SLC26A8: variants seen among roughly 807,000 people sequenced by gnomAD.
SLC26A8 encodes the protein testis anion transporter 1.
Under a neutral mutation model 105.0 loss-of-function variants are expected in SLC26A8, and 70 were observed. The ratio of observed to expected loss-of-function variants is 0.67; its 90% CI spans 0.55 to 0.81. The LOEUF (loss-of-function observed/expected upper bound fraction) is 0.81. Ranked by LOEUF, SLC26A8 falls within the 40% of genes least tolerant of loss-of-function variation. The pLI is 0.00. For synonymous variants in SLC26A8, 415 were observed against 438.3 expected (o/e 0.95, Z 0.66); for missense variants, 998 against 1,181.8 (o/e 0.84, Z 2.28).
intron 8 of SLC26A8, 87 bp from the exon 9 acceptor site, chr6:35,977,438 G>T: frequency 2.1e-5 from 24 of 1,144,952 alleles, no homozygotes; most frequent in Non-Finnish European, 2.2e-5. Context: ...GGGCTGTCCT[G>T]ATTCTTTTTT....
At chr6:36,007,401 G>A (rs74923679) in intron 3 of SLC26A8, among the ~76,000 whole-genome samples, 3,479 of 152,164 alleles carry the variant, frequency 0.023, 120 homozygotes, top group African/African-American at 0.079. Context: ...AACAAAACAC[G>A]TAGGATCTCT....
In SLC26A8 at chr6:35,968,776, G is replaced by GC. The variant is rs1308054164; in HGVS notation, c.1365+100dup. 1.8e-4 allele frequency: 8 copies of GC among 44,306 alleles called. 1 individual carries two copies. Among genetic ancestry groups the GC allele is most frequent in the Admixed American group, 8.2e-4 (3 of 3,664 alleles). The allele number at this position is 44,306 out of a possible 1,614,324, so 2.7% of individuals were successfully genotyped here. A position where few individuals can be genotyped will look rare whatever the true frequency, so the allele number is the denominator to read the frequency against. On this transcript the variant is annotated intron_variant, in intron 11 of 19. Transcript: ENST00000490799. Reference sequence around the variant, plus strand: ...AATGCAATTCTCCTCGGAGATGCCCGCCCCCCCGCCCCCAGCCCCTTACCC... The same window carrying GC: ...AATGCAATTCTCCTCGGAGATGCCCGCCCCCCCCGCCCCCAGCCCCTTACCC...
intron 3 of SLC26A8, among the ~76,000 whole-genome samples, chr6:36,011,797 C>CA (rs1163439384): frequency 6.6e-6 from 1 of 152,082 alleles, no homozygotes; most frequent in Non-Finnish European, 1.5e-5. Flanking sequence ...TTTGTAGAGA[C>CA]AGAGTTTCAC....
chr6:36,022,524 CA>C (rs1376241932), intron 1 of SLC26A8, among the ~76,000 whole-genome samples: 2 of 152,008 alleles, frequency 1.3e-5, no homozygotes, highest in African/African-American at 4.8e-5. Flanking sequence ...TCCATCATCA[CA>C]AAAAGTTGTT....
At position 36,012,336 on chromosome 6, in the gene SLC26A8, T is replaced by C. The variant is rs771540523; in HGVS notation, c.225A>G (p.Thr75=). Residue 75 remains threonine (T), a synonymous_variant, in exon 3 of 20, where the codon ACA becomes ACG. Transcript: ENST00000490799. ...SWHRFLRCVL[T]IFPFLEWMCM... is the part of the protein sequence containing the mutation. ...ACATCCATTCTAGGAAGGGAAAGAT[T>C]GTAAGCACGCATCGTAGGAACCTGT... The C allele has an allele frequency of 2.7e-5, 43 of 1,605,568 alleles. No homozygotes were observed. Among genetic ancestry groups the C allele is most frequent in the Admixed American group, 6.9e-5 (4 of 57,584 alleles).
intron 2 of SLC26A8, among the ~76,000 whole-genome samples, chr6:36,014,383 T>A (rs1435339022): frequency 6.6e-6 from 1 of 152,148 alleles, no homozygotes; most frequent in Non-Finnish European, 1.5e-5. Context: ...GGGGGAATAA[T>A]ATTAGCATTT....
intron 3 of SLC26A8, among the ~76,000 whole-genome samples, chr6:36,001,407 C>T (rs1010507322): frequency 1.5e-4 from 23 of 152,348 alleles, no homozygotes; most frequent in South Asian, 2.1e-4. Context: ...GGATTACAGG[C>T]GTGAGCCACC....
intron 5 of SLC26A8, among the ~76,000 whole-genome samples, chr6:35,995,277 C>T (rs1286907970): frequency 6.6e-6 from 1 of 152,140 alleles, no homozygotes; most frequent in Non-Finnish European, 1.5e-5. Flanking sequence ...TCAGTGTTAA[C>T]ATAATATTCT....
chr6:35,965,445 G>A (rs1270694893), intron 11 of SLC26A8, among the ~76,000 whole-genome samples: 3 of 151,956 alleles, frequency 2.0e-5, no homozygotes, highest in African/African-American at 4.8e-5. Flanking sequence ...TTGGGAGGCC[G>A]AGGCAGATGG....
At chr6:35,945,679 C>T (rs142119303) in intron 19 of SLC26A8, among the ~76,000 whole-genome samples, 80 of 152,312 alleles carry the variant, frequency 5.3e-4, no homozygotes, top group African/African-American at 1.8e-3. Flanking sequence ...CCAACTACAT[C>T]TCATTCACAC....
chr6:35,985,261 C>A (rs1301293879), intron 7 of SLC26A8, among the ~76,000 whole-genome samples: 1 of 152,068 alleles, frequency 6.6e-6, no homozygotes, highest in African/African-American at 2.4e-5. Context: ...GTTGGTAGGA[C>A]CTCCCTCCAG....
rs576499089 is a variant in SLC26A8, at chr6:36,003,747, C to T, written c.329-3639G>A. ...CACAATCTTGGCTCACTGCAAGCTC[C>T]GCCTCCCGGGTTCACGCCATTCTCC... is the stretch of plus-strand genomic sequence containing the variant. On this transcript the variant is annotated intron_variant, in intron 3 of 19. Coordinates refer to ENST00000490799, the MANE Select transcript of SLC26A8 (RefSeq NM_052961.4). Among the ~76,000 whole-genome samples the T allele has an allele frequency of 3.8e-3, 567 of 151,022 alleles. 2 individuals are homozygous for T. The highest frequency in any genetic ancestry group is 6.3e-3 in the Non-Finnish European group (427 of 67,726).
intron 19 of SLC26A8, among the ~76,000 whole-genome samples, chr6:35,950,382 C>T (rs1364860866): frequency 4.6e-5 from 7 of 151,326 alleles, no homozygotes; most frequent in African/African-American, 1.5e-4. Context: ...CTCTGCCTCC[C>T]GGGTTCAAGC....
intron 9 of SLC26A8, among the ~76,000 whole-genome samples, chr6:35,975,765 T>G (rs1365509601): frequency 6.6e-6 from 1 of 151,572 alleles, no homozygotes; most frequent in Non-Finnish European, 1.5e-5. Flanking sequence ...AATACAAAAT[T>G]TGCCAGGCAT....
chr6:35,953,765 G>T (rs1771957534), intron 17 of SLC26A8, among the ~76,000 whole-genome samples: 1 of 152,184 alleles, frequency 6.6e-6, no homozygotes, highest in African/African-American at 2.4e-5. Flanking sequence ...GTTCAATTTA[G>T]TAACTTGCCT....
chr6:35,957,646 G>T (rs1387747072), intron 16 of SLC26A8, among the ~76,000 whole-genome samples: 2 of 139,280 alleles, frequency 1.4e-5, no homozygotes, highest in Non-Finnish European at 1.5e-5. Flanking sequence ...TGCTCTTGTT[G>T]CCCAGGCTAG....
At chr6:35,959,006 T>C (rs2127297798) in intron 16 of SLC26A8, among the ~76,000 whole-genome samples, 1 of 152,316 alleles carries the variant, frequency 6.6e-6, no homozygotes, top group East Asian at 1.9e-4. Flanking sequence ...CATCATTTTC[T>C]TGGCCATAGG....
chr6:35,974,727 A>C (rs904889104), intron 10 of SLC26A8, among the ~76,000 whole-genome samples: 2 of 152,076 alleles, frequency 1.3e-5, no homozygotes, highest in Non-Finnish European at 2.9e-5. Context: ...TAAGTTTACC[A>C]GAAATATTCT....
Position 35,977,241 on chromosome 6 carries a change from A to G in SLC26A8, c.1136T>C (p.Ile379Thr), listed in dbSNP as rs1320672841. The part of the protein sequence containing the change: ...SFLLIFLGKK[I>T]ASLHNYSVNS... The stretch of plus-strand genomic sequence containing the variant: ...GACACTGTAATTGTGAAGACTGGCA[A>G]TCTTCTTGCCCAGAAATATGAGCAG... Residue 379 changes from isoleucine (I) to threonine (T), a missense_variant, in exon 9 of 20, where the codon ATT (isoleucine) becomes ACT (threonine). By Grantham distance (89) the Ile-to-Thr change is moderately conservative. Transcript: ENST00000490799. 15 of 1,613,954 alleles carry G rather than the reference A, an allele frequency of 9.3e-6. No homozygotes were observed. Among genetic ancestry groups the G allele is most frequent in the Non-Finnish European group, 8.5e-6 (10 of 1,179,990 alleles).
Sources: gnomAD v4.1 joint callset for allele counts (sites outside exome capture counted in the v4.1 genomes callset) on GRCh38, gnomAD v4.1.1 for gene constraint, MANE v1.5 for transcripts, NCBI Gene and HGNC (gene_info 2026-07-23, HGNC 2026-07-21) for gene names.